RUVBL1: variants seen among roughly 807,000 people sequenced by gnomAD.
RUVBL1 encodes the protein RuvB like AAA ATPase 1.
RUVBL1 carries 4 observed loss-of-function variants against 52.4 expected under a neutral mutation model. The observed-to-expected ratio is 0.08, with a 90% CI of 0.04 to 0.17. RUVBL1 has a LOEUF of 0.17. Among genes scored for constraint, RUVBL1 ranks in the 10% least tolerant of loss-of-function variants. RUVBL1 has a pLI of 1.00. For missense variants in RUVBL1, 298 were observed against 572.8 expected (o/e 0.52, Z 4.90); for synonymous variants, 217 against 214.4 (o/e 1.01, Z -0.10).
upstream of RUVBL1, chr3:128,123,912 T>G (rs933932025): frequency 7.2e-6 from 9 of 1,249,182 alleles, no homozygotes; most frequent in African/African-American, 3.1e-5. Context: ...TCGCGGCTGC[T>G]GCTAGAGCTC....
Position 128,082,648 on chromosome 3 carries a change from A to G in RUVBL1, c.1120-74T>C, listed in dbSNP as rs1942514518. Reference sequence around the variant, plus strand: ...CCATTTCTAAAGTGCTTTAAAGACAATGTTGCTCAGATTTCTCACTGTGCA... The same window carrying G: ...CCATTTCTAAAGTGCTTTAAAGACAGTGTTGCTCAGATTTCTCACTGTGCA... On this transcript the variant is annotated intron_variant, in intron 9 of 10. Coordinates refer to ENST00000322623, the MANE Select transcript of RUVBL1 (RefSeq NM_003707.3). This position sits in a 1 kb window ranked among gnomAD's most constrained non-coding sequence, Gnocchi z 4.7. 4 of 1,194,882 alleles carry G rather than the reference A, an allele frequency of 3.3e-6. No individual in the cohort carries two copies. Among genetic ancestry groups the G allele is most frequent in the East Asian group, 2.4e-5 (1 of 41,738 alleles). 74.0% of individuals were successfully genotyped at this position (1,194,882 alleles called of 1,614,324 possible). A position where few individuals can be genotyped will look rare whatever the true frequency, so the allele number is the denominator to read the frequency against.
chr3:128,123,653 C>A lies in RUVBL1; in HGVS notation c.72G>T (p.Leu24=). 1 of 1,612,534 alleles carries A rather than the reference C, an allele frequency of 6.2e-7. No individual in the cohort carries two copies. Among genetic ancestry groups the A allele is most frequent in the Non-Finnish European group, 8.5e-7 (1 of 1,179,580 alleles). The change falls in exon 1 of 11, where the codon CTG becomes CTT. Residue 24 remains leucine, a synonymous_variant. Coordinates refer to ENST00000322623, the MANE Select transcript of RUVBL1 (RefSeq NM_003707.3). ...RIASHSHVKG[L]GLDESGLAKQ... ...TGGCCAAGCCGCTCTCGTCCAGCCCCAGCCCTTTCACGTGGCTGTGGGAGG... is the reference window on the plus strand; with the variant it reads ...TGGCCAAGCCGCTCTCGTCCAGCCCAAGCCCTTTCACGTGGCTGTGGGAGG...
rs1232872641 is a variant in RUVBL1 at position 128,081,717 on chromosome 3, T to C, written c.1212-308A>G. ...CTACTGGAAAAGGACTGCAAACTTA[T>C]ATGTATACAGGTGTCCGACAGATAG... is the stretch of plus-strand genomic sequence containing the variant. On this transcript the variant is annotated intron_variant, in intron 10 of 10. Transcript: ENST00000322623. This position sits in a 1 kb window ranked among gnomAD's most constrained non-coding sequence, Gnocchi z 4.8. 1 of 334,236 alleles carries C rather than the reference T, an allele frequency of 3.0e-6. No individual in the cohort carries two copies. Among genetic ancestry groups the C allele is most frequent in the Non-Finnish European group, 5.5e-6 (1 of 181,794 alleles). The allele number at this position is 334,236 out of a possible 1,614,324, so 20.7% of individuals were successfully genotyped here.
At chr3:128,144,053 G>C (rs2107736255) in intron 1 of RUVBL1, among the ~76,000 whole-genome samples, 1 of 152,272 alleles carries the variant, frequency 6.6e-6, no homozygotes, top group Non-Finnish European at 1.5e-5. Flanking sequence ...AGGCTTCCTT[G>C]ACCCGTGGCT....
At chr3:128,106,027 A>G (rs1484163076) in intron 3 of RUVBL1, among the ~76,000 whole-genome samples, 1 of 151,858 alleles carries the variant, frequency 6.6e-6, no homozygotes, top group Non-Finnish European at 1.5e-5. Context: ...GCACCACCAC[A>G]TCTGGCTAAT....
At chr3:128,132,373 C>T (rs541981815) in intron 1 of RUVBL1, among the ~76,000 whole-genome samples, 5 of 152,292 alleles carry the variant, frequency 3.3e-5, no homozygotes, top group African/African-American at 7.2e-5. Flanking sequence ...AGCCAGTGAA[C>T]GTGGGGTGCA....
chr3:128,148,677 C>T (rs575074665), intron 1 of RUVBL1, among the ~76,000 whole-genome samples: 6 of 152,320 alleles, frequency 3.9e-5, no homozygotes, highest in African/African-American at 1.4e-4. Flanking sequence ...CTGGGACCTT[C>T]TTGTGTCTGC....
chr3:128,147,284 G>C (rs1944120164), intron 1 of RUVBL1, among the ~76,000 whole-genome samples: 1 of 152,006 alleles, frequency 6.6e-6, no homozygotes, highest in Non-Finnish European at 1.5e-5. Context: ...TTCCCAGGCT[G>C]GTCTCCAACT....
rs185188046 is a variant in RUVBL1 at position 128,065,984 on chromosome 3, C to T, written c.940-764G>A. Among the ~76,000 whole-genome samples the T allele has an allele frequency of 2.3e-3, 346 of 151,960 alleles. 3 individuals are homozygous for T. The highest frequency in any genetic ancestry group is 7.9e-3 in the African/African-American group (327 of 41,462). ...GTCTCGATCTCCTGACCTCGTGATC[C>T]GCCCGCCTCCACATTACAAAGCGCT... On this transcript the variant is annotated intron_variant, in intron 9 of 9. Coordinates refer to the RUVBL1 transcript ENST00000464873.
chr3:128,125,070 A>C (rs775873375), upstream of RUVBL1, among the ~76,000 whole-genome samples: 4 of 116,524 alleles, frequency 3.4e-5, no homozygotes, highest in Non-Finnish European at 4.8e-5. Flanking sequence ...GCGGGAGTGC[A>C]GTGGCGCAAT....
chr3:128,128,123 G>C (rs147200258), upstream of RUVBL1, among the ~76,000 whole-genome samples: 480 of 152,166 alleles, frequency 3.2e-3, 3 homozygotes, highest in African/African-American at 0.011. Context: ...CTCCCGAGTA[G>C]CTGGGCATGC....
intron 2 of RUVBL1, among the ~76,000 whole-genome samples, chr3:128,114,897 T>G (rs1359147237): frequency 2.0e-5 from 3 of 152,120 alleles, no homozygotes; most frequent in Non-Finnish European, 2.9e-5. Flanking sequence ...CTACCCTCAG[T>G]TTTGAACTTC....
At chr3:128,136,182 CAGGA>C (rs1943944674) in intron 1 of RUVBL1, among the ~76,000 whole-genome samples, 1 of 142,802 alleles carries the variant, frequency 7.0e-6, no homozygotes, top group African/African-American at 2.6e-5. Context: ...AAAAGGAAAA[CAGGA>C]AGGAAGGAAA....
chr3:128,143,832 A>G (rs919090261), intron 1 of RUVBL1, among the ~76,000 whole-genome samples: 2 of 152,036 alleles, frequency 1.3e-5, no homozygotes, highest in Non-Finnish European at 2.9e-5. Context: ...CCCCCTCGAG[A>G]CCTGGAAGAA....
At position 128,081,425 on chromosome 3, in the gene RUVBL1, G is replaced by T. The variant is rs780805649; in HGVS notation, c.1212-16C>A. 7 of 1,605,656 alleles carry T rather than the reference G, an allele frequency of 4.4e-6. No individual in the cohort carries two copies. Among genetic ancestry groups the T allele is most frequent in the Admixed American group, 3.3e-5 (2 of 59,778 alleles). On this transcript the variant is annotated splice_polypyrimidine_tract_variant and intron_variant, in intron 10 of 10. Transcript: ENST00000322623. The surrounding 1 kb of genome is among the most constrained non-coding windows in gnomAD (Gnocchi z 4.8). The stretch of plus-strand genomic sequence containing the variant: ...CACTGAGTACCTAGAGTGGACAGGG[G>T]CCAGGGCTGGAGTGAAACTGGGGCC...
chr3:128,077,347 C>T (rs1449152897), downstream of RUVBL1, among the ~76,000 whole-genome samples: 3 of 152,152 alleles, frequency 2.0e-5, no homozygotes, highest in Admixed American at 6.5e-5. Context: ...CACCCCCTAT[C>T]CTCTTATGGC....
In RUVBL1 at chr3:128,065,257, G is replaced by A. The variant is rs536331447; in HGVS notation, c.940-37C>T. ...GAAACAAAATTAAGGCAGTTCTAAC[G>A]TAAGTGAAATCATGTTCTTCTGGGT... On this transcript the variant is annotated intron_variant, in intron 9 of 9. Coordinates refer to the RUVBL1 transcript ENST00000464873. 1.6e-4 allele frequency: 103 copies of A among 630,358 alleles called. 2 individuals carry two copies. In the South Asian group the frequency reaches 1.7e-3, roughly 10 times the overall value. 39.0% of individuals were successfully genotyped at this position (630,358 alleles called of 1,614,324 possible).
At chr3:128,113,714 T>C (rs902270466) in intron 2 of RUVBL1, among the ~76,000 whole-genome samples, 6 of 152,242 alleles carry the variant, frequency 3.9e-5, no homozygotes, top group Non-Finnish European at 7.3e-5. Flanking sequence ...AGAATCCACA[T>C]ACGTGGAACC....
intron 1 of RUVBL1, among the ~76,000 whole-genome samples, chr3:128,152,533 G>C (rs1019617012): frequency 1.3e-5 from 2 of 152,068 alleles, no homozygotes; most frequent in African/African-American, 4.8e-5. Flanking sequence ...GAAATGGTCT[G>C]GTTCAGGCTG....
Sources: allele counts gnomAD v4.1 joint callset (sites outside exome capture counted in the v4.1 genomes callset), GRCh38; gene constraint gnomAD v4.1.1; non-coding constraint Gnocchi (gnomAD v3.1); transcripts MANE v1.5; gene names NCBI Gene and HGNC (gene_info 2026-07-23, HGNC 2026-07-21).